NRG4: variants seen among roughly 807,000 people sequenced by gnomAD.
NRG4 encodes pro-neuregulin-4, membrane-bound isoform.
Under a neutral mutation model 15.0 loss-of-function variants are expected in NRG4, and 10 were observed. The observed-to-expected ratio is 0.67, with a 90% CI of 0.41 to 1.13. The LOEUF (loss-of-function observed/expected upper bound fraction) is 1.13, where lower values mean the gene tolerates loss of function less well. Ranked by LOEUF, NRG4 falls within the 50% of genes most tolerant of loss-of-function variation. NRG4 has a pLI of 0.00. For synonymous variants in NRG4, 41 were observed against 50.1 expected (o/e 0.82, Z 0.77); for missense variants, 139 against 140.2 (o/e 0.99, Z 0.04).
intron 5 of NRG4, 38 bp downstream of exon 5, chr15:75,955,894 A>C: frequency 8.6e-7 from 1 of 1,156,152 alleles, no homozygotes; most frequent in East Asian, 2.4e-5. Context: ...AGTCTCATCT[A>C]GGGTTTTAAA....
downstream of NRG4, chr15:75,939,782 A>C (rs1242046650): frequency 6.6e-6 from 1 of 152,170 alleles, no homozygotes; most frequent in East Asian, 1.9e-4. Flanking sequence ...CGAGAACCAG[A>C]TGATCATCTC....
At chr15:75,981,920 C>T (rs74024038) in intron 3 of NRG4, among the ~76,000 whole-genome samples, 14,553 of 151,314 alleles carry the variant, frequency 0.096, 1,728 homozygotes, top group African/African-American at 0.29. Flanking sequence ...AAAAATATAA[C>T]TTACAAAAAA....
chr15:75,971,144 T>TCATTTCAA (rs1312520813), intron 3 of NRG4: 1 of 392,184 alleles, frequency 2.5e-6, no homozygotes, highest in African/African-American at 2.1e-5. Context: ...ATTTGTAAAT[T>TCATTTCAA]CATTTCAACA....
intron 5 of NRG4, among the ~76,000 whole-genome samples, chr15:76,022,920 G>A (rs1195822505): frequency 6.6e-6 from 1 of 151,984 alleles, no homozygotes; most frequent in Non-Finnish European, 1.5e-5. Flanking sequence ...TAAAGCACAG[G>A]AATTAGGACA....
upstream of NRG4, among the ~76,000 whole-genome samples, chr15:76,015,717 G>A (rs1208079540): frequency 1.3e-5 from 2 of 152,136 alleles, no homozygotes; most frequent in East Asian, 1.9e-4. Flanking sequence ...TGGTGGATAA[G>A]CTTTTTGACA....
chr15:75,985,546 AAACC>A (rs950402996), intron 3 of NRG4, among the ~76,000 whole-genome samples: 4 of 152,190 alleles, frequency 2.6e-5, no homozygotes, highest in African/African-American at 9.7e-5. Flanking sequence ...TATTCAGCAT[AAACC>A]ACAATGCTTA....
chr15:75,962,223 T>A (rs2032555995), intron 3 of NRG4, among the ~76,000 whole-genome samples: 1 of 152,222 alleles, frequency 6.6e-6, no homozygotes, highest in South Asian at 2.1e-4. Context: ...GAACTCCAGA[T>A]AAATTATAGA....
chr15:76,056,212 C>T (rs1397529443), intron 2 of NRG4, among the ~76,000 whole-genome samples: 1 of 152,112 alleles, frequency 6.6e-6, no homozygotes, highest in East Asian at 1.9e-4. Context: ...CTTTGGGAGG[C>T]CGAGGCAGGC....
intron 5 of NRG4, among the ~76,000 whole-genome samples, chr15:75,951,546 G>C (rs1322271472): frequency 6.6e-6 from 1 of 152,084 alleles, no homozygotes; most frequent in African/African-American, 2.4e-5. Flanking sequence ...CTTGCAGATA[G>C]CATATCACAT....
chr15:75,999,446 C>T (rs2034327285), intron 3 of NRG4, among the ~76,000 whole-genome samples: 1 of 152,158 alleles, frequency 6.6e-6, no homozygotes. Flanking sequence ...TGCTCTTCTA[C>T]TCTCTGCCAT....
At chr15:76,017,155 CTTTTTTTTTT>C (rs66838505), upstream of NRG4, among the ~76,000 whole-genome samples, 283 of 52,346 alleles carry the variant, frequency 5.4e-3, no homozygotes, top group South Asian at 0.02. Flanking sequence ...CAACCCCTGC[CTTTTTTTTTT>C]TTTTTTTTTT....
intron 3 of NRG4, among the ~76,000 whole-genome samples, chr15:75,983,970 T>C (rs1365430213): frequency 6.6e-6 from 1 of 152,176 alleles, no homozygotes; most frequent in Non-Finnish European, 1.5e-5. Flanking sequence ...AATCCTAAGT[T>C]AATTTATGAA....
intron 3 of NRG4, among the ~76,000 whole-genome samples, chr15:75,987,037 C>A (rs560561129): frequency 5.4e-4 from 82 of 152,206 alleles, no homozygotes; most frequent in Non-Finnish European, 4.4e-5. Flanking sequence ...AATTACATTA[C>A]CAAAGAAACC....
intron 3 of NRG4, among the ~76,000 whole-genome samples, chr15:75,982,425 T>C (rs1230360561): frequency 1.3e-5 from 2 of 152,200 alleles, no homozygotes; most frequent in Non-Finnish European, 2.9e-5. Context: ...TAAAATTCAA[T>C]GGCCATTCTT....
At chr15:76,013,018 C>T (rs74799169), upstream of NRG4, among the ~76,000 whole-genome samples, 2,600 of 152,188 alleles carry the variant, frequency 0.017, 70 homozygotes, top group African/African-American at 0.059. Flanking sequence ...AAAATATTGA[C>T]TAAAACTGTA....
intron 2 of NRG4, among the ~76,000 whole-genome samples, chr15:76,010,844 A>G (rs2034784399): frequency 6.6e-6 from 1 of 152,270 alleles, no homozygotes; most frequent in Non-Finnish European, 1.5e-5. Flanking sequence ...GATTATAGTC[A>G]GACATATCTC....
chr15:76,041,288 G>A (rs1174731872), intron 4 of NRG4, among the ~76,000 whole-genome samples: 5 of 151,782 alleles, frequency 3.3e-5, no homozygotes, highest in Non-Finnish European at 5.9e-5. Context: ...CAAATAAAAC[G>A]GCAAGAGTAA....
chr15:76,020,303 C>T (rs141355351), intron 5 of NRG4, among the ~76,000 whole-genome samples: 83 of 152,314 alleles, frequency 5.4e-4, no homozygotes, highest in African/African-American at 1.9e-3. Flanking sequence ...ATCTTTCTCA[C>T]TTTAAAGCAA....
chr15:76,056,414 C>A (rs550879675), intron 2 of NRG4, among the ~76,000 whole-genome samples: 1 of 151,950 alleles, frequency 6.6e-6, no homozygotes, highest in Non-Finnish European at 1.5e-5. Context: ...GCCGAGATTG[C>A]GCCATTGCAC....
Sources: gnomAD v4.1 joint callset for allele counts (sites outside exome capture counted in the v4.1 genomes callset) on GRCh38, gnomAD v4.1.1 for gene constraint, MANE v1.5 for transcripts, NCBI Gene and HGNC (gene_info 2026-07-23, HGNC 2026-07-21) for gene names.